The following CHLSN variants were observed in gnomAD, a reference collection of about 807,000 sequenced individuals.
CHLSN encodes protein cholesin.
the CHLSN span, among the ~76,000 whole-genome samples, chr7:1,096,918 G>A: frequency 1.3e-5 from 2 of 152,246 alleles, no homozygotes; most frequent in South Asian, 4.1e-4. The surrounding 1 kb of genome is among the most constrained non-coding windows in gnomAD (Gnocchi z 4.6). Flanking sequence ...CTTCTTAGGA[G>A]GGTGTTTCTG....
chr7:1,099,507 C>T, the CHLSN span, among the ~76,000 whole-genome samples: 6 of 152,268 alleles, frequency 3.9e-5, no homozygotes, highest in Non-Finnish European at 7.3e-5. Context: ...TTTCTCTTCT[C>T]GCTCACCGCC....
chr7:1,098,847 AC>A, the CHLSN span, among the ~76,000 whole-genome samples: 51 of 152,380 alleles, frequency 3.3e-4, no homozygotes, highest in African/African-American at 1.2e-3. Flanking sequence ...ACGGGGAGCC[AC>A]TGCTGACAGG....
the CHLSN span, chr7:1,091,818 G>A: frequency 6.3e-7 from 1 of 1,598,726 alleles, no homozygotes; most frequent in Non-Finnish European, 8.5e-7. Context: ...CCTCCCCCGA[G>A]CTCAACCTGT....
chr7:982,836 G>A, the CHLSN span, among the ~76,000 whole-genome samples: 4 of 152,288 alleles, frequency 2.6e-5, no homozygotes, highest in African/African-American at 7.2e-5. Context: ...CCAGGGCCTC[G>A]GCCCCAAAGC....
the CHLSN span, chr7:1,010,171 C>A: frequency 6.3e-7 from 1 of 1,589,642 alleles, no homozygotes; most frequent in Middle Eastern, 1.7e-4. Context: ...CATTAGGCTT[C>A]GGGGATGGAG....
chr7:1,072,676 C>CTTTTTTTTTTTTTTT, the CHLSN span, among the ~76,000 whole-genome samples: 1 of 110,316 alleles, frequency 9.1e-6, no homozygotes, highest in Non-Finnish European at 1.8e-5. Context: ...CTTTTCTTTC[C>CTTTTTTTTTTTTTTT]TTTTTTTTTT....
chr7:1,042,442 A>C, the CHLSN span, among the ~76,000 whole-genome samples: 1 of 152,030 alleles, frequency 6.6e-6, no homozygotes, highest in Non-Finnish European at 1.5e-5. Context: ...AGTCTTGTAC[A>C]GGGGCTGGCC....
At chr7:985,273 C>A in the CHLSN span, 3 of 1,551,872 alleles carry the variant, frequency 1.9e-6, no homozygotes, top group Middle Eastern at 1.7e-4. Flanking sequence ...TGTGTCCCTG[C>A]TGGGTCTCAT....
chr7:1,065,336 A>T, the CHLSN span, among the ~76,000 whole-genome samples: 2 of 152,364 alleles, frequency 1.3e-5, no homozygotes, highest in Admixed American at 1.3e-4. Flanking sequence ...AAAAATGGGA[A>T]CGGAAGTCCA....
chr7:1,011,329 C>T, the CHLSN span, among the ~76,000 whole-genome samples: 2 of 145,008 alleles, frequency 1.4e-5, no homozygotes, highest in African/African-American at 2.6e-5. Context: ...ACATGCCACA[C>T]ACCCACATAC....
the CHLSN span, among the ~76,000 whole-genome samples, chr7:1,123,216 G>C: frequency 6.6e-6 from 1 of 152,226 alleles, no homozygotes; most frequent in Admixed American, 6.5e-5. This position sits in a 1 kb window ranked among gnomAD's most constrained non-coding sequence, Gnocchi z 4.4. Flanking sequence ...ACAGGCCTGA[G>C]TGGGAACCGG....
the CHLSN span, among the ~76,000 whole-genome samples, chr7:1,002,366 TGGAGTCCTGTGGGTGG>T: frequency 1.1e-5 from 1 of 88,202 alleles, no homozygotes; most frequent in Non-Finnish European, 2.2e-5. Flanking sequence ...TGTGGGTGAA[TGGAGTCCTGTGGGTGG>T]GGAGTCCTGT....
At chr7:1,136,349 T>A in the CHLSN span, among the ~76,000 whole-genome samples, 6 of 47,458 alleles carry the variant, frequency 1.3e-4, no homozygotes, top group Admixed American at 4.9e-4. Context: ...AACATATAAA[T>A]ATATATAAAC....
the CHLSN span, chr7:1,000,340 ACACACCTCAGCCCCCGGGAGACGTGCCT>A: frequency 6.5e-6 from 5 of 764,644 alleles, no homozygotes; most frequent in East Asian, 1.3e-4. Flanking sequence ...CCCGCCGTGC[ACACACCTCAGCCCCCGGGAGACGTGCCT>A]GCCCCGCCGT....
chr7:1,005,105 T>C, the CHLSN span, among the ~76,000 whole-genome samples: 1 of 152,158 alleles, frequency 6.6e-6, no homozygotes, highest in Non-Finnish European at 1.5e-5. Context: ...TCTTGGTTAA[T>C]ACGGTGAAAC....
chr7:984,860 CCT>C, the CHLSN span: 11 of 1,478,660 alleles, frequency 7.4e-6, no homozygotes, highest in Non-Finnish European at 5.4e-6. Context: ...GTCTCGCTGC[CCT>C]GTCAGCCTGC....
At chr7:1,134,796 G>C in the CHLSN span, among the ~76,000 whole-genome samples, 401 of 148,910 alleles carry the variant, frequency 2.7e-3, 3 homozygotes, top group Non-Finnish European at 4.5e-3. Context: ...AGAATGATGT[G>C]AACCTGGGAG....
At chr7:1,007,703 T>A in the CHLSN span, among the ~76,000 whole-genome samples, 3 of 152,040 alleles carry the variant, frequency 2.0e-5, no homozygotes, top group South Asian at 2.1e-4. Context: ...GAGTCCCCCC[T>A]CCTCCCACAC....
At chr7:1,089,209 G>C in the CHLSN span, among the ~76,000 whole-genome samples, 1 of 152,136 alleles carries the variant, frequency 6.6e-6, no homozygotes, top group African/African-American at 2.4e-5. Context: ...TGAGAGCAGA[G>C]GCATTTATGC....
Sources: allele counts gnomAD v4.1 joint callset (sites outside exome capture counted in the v4.1 genomes callset), GRCh38; gene constraint gnomAD v4.1.1; non-coding constraint Gnocchi (gnomAD v3.1); transcripts MANE v1.5; gene names NCBI Gene and HGNC (gene_info 2026-07-23, HGNC 2026-07-21).